The following NGEF variants were observed in gnomAD, a reference collection of about 807,000 sequenced individuals.
NGEF encodes the protein ephexin-1.
Under a neutral mutation model 80.9 loss-of-function variants are expected in NGEF, and 31 were observed. The observed-to-expected ratio is 0.38, with a 90% CI of 0.29 to 0.52. NGEF has a LOEUF of 0.52. Ranked by LOEUF, NGEF falls within the 20% of genes least tolerant of loss-of-function variation. NGEF has a pLI of 0.84. For synonymous variants in NGEF, 371 were observed against 370.2 expected, an observed-to-expected ratio of 1.00 and a Z score of -0.03; for missense variants, 709 against 926.2, an observed-to-expected ratio of 0.77 and a Z score of 3.04.
chr2:232,906,069 T>G (rs1575007662), intron 5 of NGEF, among the ~76,000 whole-genome samples: 11 of 100,044 alleles, frequency 1.1e-4, no homozygotes, highest in Non-Finnish European at 1.0e-4. Flanking sequence ...GGGAGGGAGG[T>G]GAGGGGGTCA....
intron 5 of NGEF, among the ~76,000 whole-genome samples, chr2:232,902,340 G>C (rs777584405): frequency 9.2e-5 from 14 of 152,190 alleles, no homozygotes. Context: ...GCCAGAGCCC[G>C]AGCCCAGCCC....
chr2:232,995,853 G>T (rs990989515), intron 1 of NGEF, among the ~76,000 whole-genome samples: 1 of 148,974 alleles, frequency 6.7e-6, no homozygotes, highest in South Asian at 2.1e-4. Flanking sequence ...ATAATATATT[G>T]TATGTATATA....
chr2:232,926,960 G>T (rs1575020927), intron 4 of NGEF, 84 bp downstream of exon 4: 4 of 1,543,988 alleles, frequency 2.6e-6, no homozygotes, highest in Non-Finnish European at 3.6e-6. Flanking sequence ...AAACACAACG[G>T]CATCCCATGA....
chr2:232,896,924 G>A (rs1177276053), intron 5 of NGEF, among the ~76,000 whole-genome samples: 17 of 133,504 alleles, frequency 1.3e-4, no homozygotes, highest in African/African-American at 5.1e-4. Context: ...GTAGGGATGA[G>A]GTGAGGGTAG....
In NGEF at chr2:232,879,617, C is replaced by T. The variant is rs1276368277; in HGVS notation, c.2005G>A (p.Glu669Lys). The change falls in exon 15 of 15, where the codon GAG becomes AAG. Residue 669 changes from glutamate (E) to lysine (K), a missense_variant. By Grantham distance (56) the Glu-to-Lys change is moderately conservative. Coordinates refer to ENST00000264051, the MANE Select transcript of NGEF (RefSeq NM_019850.3). ...CGGATCTTGGGATTCAAGATCTCCT[C>T]AGTCATGGAGCTGGGGAACCAGCCT... ...ERGWFPSSMT[E>K]EILNPKIRSQ... 1.2e-6 allele frequency: 2 copies of T among 1,613,648 alleles called. No individual in the cohort carries two copies. The highest frequency in any genetic ancestry group is 1.7e-6 in the Non-Finnish European group (2 of 1,179,994).
At chr2:232,964,771 A>T (rs1376377062) in intron 3 of NGEF, among the ~76,000 whole-genome samples, 1 of 152,266 alleles carries the variant, frequency 6.6e-6, no homozygotes, top group East Asian at 1.9e-4. Context: ...GTTGAGCAAC[A>T]GAAGTCAGAC....
intron 1 of NGEF, among the ~76,000 whole-genome samples, chr2:232,998,965 G>C (rs116050417): frequency 6.6e-6 from 1 of 152,166 alleles, no homozygotes; most frequent in Non-Finnish European, 1.5e-5. Context: ...GCATAACTGC[G>C]TGCCACACTG....
intron 4 of NGEF, among the ~76,000 whole-genome samples, chr2:232,921,210 G>A (rs976428119): frequency 4.6e-5 from 7 of 152,208 alleles, no homozygotes; most frequent in African/African-American, 1.7e-4. Context: ...CACCTCCAAA[G>A]GGATAACCCC....
intron 14 of NGEF, among the ~76,000 whole-genome samples, chr2:232,880,499 C>CT (rs1364919955): frequency 6.6e-6 from 1 of 152,204 alleles, no homozygotes; most frequent in African/African-American, 2.4e-5. Context: ...AGGTCACAGC[C>CT]TGAGGCCTTC....
chr2:232,947,479 C>T (rs1210884905), intron 3 of NGEF, among the ~76,000 whole-genome samples: 3 of 152,072 alleles, frequency 2.0e-5, no homozygotes, highest in African/African-American at 4.8e-5. Context: ...ATTATGGGGG[C>T]GATTTCCCCC....
At chr2:232,884,260 A>G in intron 10 of NGEF, 116 bp from the exon 11 acceptor site, 1 of 1,223,226 alleles carries the variant, frequency 8.2e-7, no homozygotes, top group Admixed American at 2.9e-5. Flanking sequence ...CCGACACATG[A>G]GGCACAAGTT....
chr2:232,920,164 C>CCAGCGATTCCT, intron 5 of NGEF, 120 bp downstream of exon 5: 1 of 921,908 alleles, frequency 1.1e-6, no homozygotes, highest in Non-Finnish European at 1.6e-6. Flanking sequence ...GACAACCCTG[C>CCAGCGATTCCT]CAGCGATTCC....
rs1454253541 is a variant in NGEF at position 232,970,238 on chromosome 2, G to C, written c.359C>G (p.Thr120Arg). The stretch of plus-strand genomic sequence containing the variant: ...CCTCATTTCCTGGGCTCCTGGGTCT[G>C]TCTGCATTGCTGTTCTGCAAGGAGG... The part of the protein sequence containing the change: ...RMPPCRTAMQ[T>R]DPGAQEMSES... The change falls in exon 3 of 15, where the codon ACA becomes AGA. Residue 120 changes from threonine (T) to arginine (R), a missense_variant. Transcript: ENST00000264051. 6.3e-7 allele frequency: 1 copy of C among 1,595,692 alleles called. No individual in the cohort carries two copies. Among genetic ancestry groups the C allele is most frequent in the Non-Finnish European group, 8.5e-7 (1 of 1,173,778 alleles).
At chr2:233,011,120 G>A (rs1034440517) in intron 1 of NGEF, among the ~76,000 whole-genome samples, 1 of 152,126 alleles carries the variant, frequency 6.6e-6, no homozygotes, top group African/African-American at 2.4e-5. Context: ...TTCACCAAGC[G>A]GGGTTTCTGG....
chr2:233,007,591 A>C (rs1450122409), intron 1 of NGEF, among the ~76,000 whole-genome samples: 43 of 152,224 alleles, frequency 2.8e-4, no homozygotes, highest in Admixed American at 2.7e-3. Context: ...CTGTCTATGC[A>C]TGCTACTTAA....
intron 5 of NGEF, among the ~76,000 whole-genome samples, chr2:232,902,697 T>C (rs1355068975): frequency 1.3e-5 from 2 of 152,330 alleles, no homozygotes; most frequent in East Asian, 3.9e-4. Flanking sequence ...GCAAGAGAAA[T>C]GTTATGTTAA....
intron 1 of NGEF, among the ~76,000 whole-genome samples, chr2:232,987,373 C>G (rs138529009): frequency 6.6e-6 from 1 of 152,146 alleles, no homozygotes; most frequent in Non-Finnish European, 1.5e-5. Flanking sequence ...CAAATTTCTG[C>G]TGTAGCTTGG....
chr2:232,884,103 C>G lies in NGEF; in HGVS notation c.1479G>C (p.Gln493His). 1 of 1,610,416 alleles carries G rather than the reference C, an allele frequency of 6.2e-7. No individual in the cohort carries two copies. The highest frequency in any genetic ancestry group is 2.2e-5 in the East Asian group (1 of 44,770). The change falls in exon 11 of 15, where the codon CAG (glutamine) becomes CAC (histidine). Residue 493 changes from glutamine to histidine, a missense_variant. By Grantham distance (24) the Gln-to-His change is conservative. Transcript: ENST00000264051. Reference protein sequence around the residue: ...IISHSRWLLKQGELQQMSGPK... With the variant: ...IISHSRWLLKHGELQQMSGPK... ...GGCCTGACATCTGCTGCAGCTCACC[C>G]TGCTTCAGCAGCCAGCGGGAGTGGG...
intron 1 of NGEF, among the ~76,000 whole-genome samples, chr2:232,980,550 G>A (rs922172351): frequency 1.4e-4 from 22 of 151,768 alleles, no homozygotes; most frequent in Non-Finnish European, 2.2e-4. Flanking sequence ...CTAGGCTGGC[G>A]TGCAGTGGCG....
Sources: allele counts gnomAD v4.1 joint callset (sites outside exome capture counted in the v4.1 genomes callset), GRCh38; gene constraint gnomAD v4.1.1; transcripts MANE v1.5; gene names NCBI Gene and HGNC (gene_info 2026-07-23, HGNC 2026-07-21).